C8orf34: variants seen among roughly 807,000 people sequenced by gnomAD.
C8orf34 encodes the protein chromosome 8 open reading frame 34, also known as uncharacterized protein C8orf34.
Under a neutral mutation model 68.3 loss-of-function variants are expected in C8orf34, and 65 were observed. The observed-to-expected ratio is 0.95, with a 90% CI of 0.78 to 1.17. The LOEUF is 1.17. Ranked by LOEUF, C8orf34 falls within the 50% of genes most tolerant of loss-of-function variation. C8orf34 has a pLI of 0.00. For synonymous variants in C8orf34, 244 were observed against 241.2 expected (o/e 1.01, Z -0.11); for missense variants, 664 against 655.4 (o/e 1.01, Z -0.14).
At chr8:68,569,776 GT>G (rs887518283) in intron 7 of C8orf34, among the ~76,000 whole-genome samples, 69 of 152,318 alleles carry the variant, frequency 4.5e-4, no homozygotes, top group African/African-American at 1.6e-3. Flanking sequence ...TGTCATTAAA[GT>G]TTAAACATAC....
At chr8:68,610,053 G>T (rs1817973098) in intron 7 of C8orf34, among the ~76,000 whole-genome samples, 1 of 152,128 alleles carries the variant, frequency 6.6e-6, no homozygotes, top group Admixed American at 6.6e-5. Context: ...AAAAACTAAT[G>T]AATATAGAAT....
intron 3 of C8orf34, among the ~76,000 whole-genome samples, chr8:68,457,313 G>T (rs1811596080): frequency 6.6e-6 from 1 of 152,068 alleles, no homozygotes; most frequent in Non-Finnish European, 1.5e-5. Flanking sequence ...TCATGATATG[G>T]AAATACAGAA....
chr8:68,344,222 T>C (rs1279295151), intron 1 of C8orf34, among the ~76,000 whole-genome samples: 1 of 152,172 alleles, frequency 6.6e-6, no homozygotes, highest in African/African-American at 2.4e-5. Flanking sequence ...TGGAATACTA[T>C]TCAGCAGTTA....
intron 1 of C8orf34, among the ~76,000 whole-genome samples, chr8:68,372,745 T>C (rs1050477129): frequency 2.6e-5 from 4 of 152,106 alleles, no homozygotes; most frequent in African/African-American, 9.7e-5. Context: ...ATGCTGTCCC[T>C]CCCCTAGTCC....
chr8:68,429,434 A>G (rs899322576), intron 1 of C8orf34, among the ~76,000 whole-genome samples: 1 of 152,220 alleles, frequency 6.6e-6, no homozygotes, highest in African/African-American at 2.4e-5. Flanking sequence ...TGCGGGTGGG[A>G]GACAATTGTT....
chr8:68,773,898 A>T (rs1473843801), intron 10 of C8orf34, among the ~76,000 whole-genome samples: 1 of 152,282 alleles, frequency 6.6e-6, no homozygotes, highest in East Asian at 1.9e-4. Flanking sequence ...TTCGATCATT[A>T]AGAAAACCCA....
chr8:68,369,588 T>C (rs1337879935), intron 1 of C8orf34, among the ~76,000 whole-genome samples: 1 of 152,206 alleles, frequency 6.6e-6, no homozygotes, highest in African/African-American at 2.4e-5. Context: ...AACTTACCTG[T>C]GCATTCTGGA....
intron 1 of C8orf34, among the ~76,000 whole-genome samples, chr8:68,370,777 C>A (rs1285519657): frequency 3.9e-5 from 6 of 152,182 alleles, no homozygotes; most frequent in Admixed American, 3.9e-4. Context: ...TCTCTAACTT[C>A]TCCCATATTA....
chr8:68,570,410 T>G (rs1816727859), intron 7 of C8orf34, among the ~76,000 whole-genome samples: 1 of 152,194 alleles, frequency 6.6e-6, no homozygotes, highest in Non-Finnish European at 1.5e-5. Context: ...ATGCAGTGAT[T>G]GTGATTGTCA....
intron 5 of C8orf34, among the ~76,000 whole-genome samples, chr8:68,491,644 T>G (rs1175537038): frequency 6.6e-6 from 1 of 152,252 alleles, no homozygotes; most frequent in Non-Finnish European, 1.5e-5. Context: ...GCAGATAATC[T>G]CTTCATCTCA....
At chr8:68,406,085 T>C (rs1809179537) in intron 1 of C8orf34, among the ~76,000 whole-genome samples, 1 of 152,120 alleles carries the variant, frequency 6.6e-6, no homozygotes, top group Non-Finnish European at 1.5e-5. Context: ...GGTTGTGTGG[T>C]CCTGAAATGT....
At chr8:68,495,948 A>T (rs1272033423) in intron 5 of C8orf34, among the ~76,000 whole-genome samples, 1 of 152,260 alleles carries the variant, frequency 6.6e-6, no homozygotes, top group African/African-American at 2.4e-5. Context: ...CTAGCCAGAA[A>T]TTACTAAAAG....
chr8:68,601,688 C>T (rs529409000), intron 7 of C8orf34, among the ~76,000 whole-genome samples: 1 of 152,096 alleles, frequency 6.6e-6, no homozygotes, highest in African/African-American at 2.4e-5. Flanking sequence ...ACTTTAAAAT[C>T]TTTGTCAGAT....
At chr8:68,476,075 C>T (rs1395968980) in intron 4 of C8orf34, among the ~76,000 whole-genome samples, 1 of 152,156 alleles carries the variant, frequency 6.6e-6, no homozygotes, top group Non-Finnish European at 1.5e-5. Flanking sequence ...TTCTGACAAA[C>T]AGACTAAGGA....
At chr8:68,797,001 A>G (rs954675748) in intron 12 of C8orf34, among the ~76,000 whole-genome samples, 1 of 151,566 alleles carries the variant, frequency 6.6e-6, no homozygotes, top group Non-Finnish European at 1.5e-5. Flanking sequence ...TAATTTTTGT[A>G]TTTTTAGTAG....
intron 8 of C8orf34, among the ~76,000 whole-genome samples, chr8:68,642,534 C>A (rs540936964): frequency 6.6e-6 from 1 of 152,238 alleles, no homozygotes; most frequent in South Asian, 2.1e-4. Context: ...GGGTCAGAGA[C>A]CAAGGACTTT....
rs1160845483 is a variant in C8orf34 at position 68,567,577 on chromosome 8, C to CTTTTTTTT, written c.1105+34456_1105+34463dup. Among the ~76,000 whole-genome samples, 256 of 29,806 alleles carry CTTTTTTTT rather than the reference C, an allele frequency of 8.6e-3. 56 individuals carry two copies. The highest frequency in any genetic ancestry group is 0.012 in the East Asian group (8 of 644). The allele number at this position is 29,806 out of a possible 152,430, so 19.6% of individuals were successfully genotyped here. ...TCTTTTCAAATTTTGTTTCATTTAT[C>CTTTTTTTT]TTTTTTTTTTTTTTTTTTTTTTTTT... On this transcript the variant is annotated intron_variant, in intron 7 of 13. Transcript: ENST00000518698.
chr8:68,497,751 G>A (rs1291553884), intron 5 of C8orf34, among the ~76,000 whole-genome samples: 1 of 151,968 alleles, frequency 6.6e-6, no homozygotes, highest in Non-Finnish European at 1.5e-5. Flanking sequence ...AAAAGGAAGG[G>A]AGAGAAATGT....
chr8:68,514,603 T>G (rs1013491083), intron 5 of C8orf34, among the ~76,000 whole-genome samples: 10 of 152,182 alleles, frequency 6.6e-5, no homozygotes, highest in African/African-American at 2.2e-4. Context: ...TATTAAATAT[T>G]TTGAAGAGTG....
Sources: gnomAD v4.1 joint callset for allele counts (sites outside exome capture counted in the v4.1 genomes callset) on GRCh38, gnomAD v4.1.1 for gene constraint, MANE v1.5 for transcripts, NCBI Gene and HGNC (gene_info 2026-07-23, HGNC 2026-07-21) for gene names.